Variants in LRIG1 observed in about 807,000 individuals in gnomAD.
The protein encoded by LRIG1 is leucine rich repeats and immunoglobulin like domains 1, also known as leucine-rich repeats and immunoglobulin-like domains protein 1.
In LRIG1, 48 loss-of-function variants were observed where a neutral mutation model predicts 99.2. The observed-to-expected ratio is 0.48, with a 90% confidence interval of 0.38 to 0.62. The LOEUF is 0.62. LRIG1 is among the 20% of genes least tolerant of loss of function. The pLI is 0.00. For synonymous variants in LRIG1, 772 were observed against 596.1 expected, an observed-to-expected ratio of 1.29 and a Z score of -4.30; for missense variants, 1,646 against 1,434.4, an observed-to-expected ratio of 1.15 and a Z score of -2.38.
rs746904038 is a variant in LRIG1, at chr3:66,380,743, AT to A, written c.2888del (p.Asn963MetfsTer42). The A allele has an allele frequency of 6.8e-6, 11 of 1,614,054 alleles. No homozygotes were observed. Among genetic ancestry groups the A allele is most frequent in the African/African-American group, 1.3e-5 (1 of 74,928 alleles). On this transcript the variant is annotated frameshift_variant, in exon 18 of 19. Coordinates refer to ENST00000273261, the MANE Select transcript of LRIG1 (RefSeq NM_015541.3). LOFTEE classifies it high-confidence loss of function. ...GGTCACTCCCACCCGGCTCCGGGCC[AT>A]TTGGCGCACTTGGCTGTGCGCTGTC... ...SRDSAQPSAP[N>X]GPEPGGSDQE...
intron 1 of LRIG1, among the ~76,000 whole-genome samples, chr3:66,485,779 C>G (rs1358301620): frequency 6.6e-6 from 1 of 152,100 alleles, no homozygotes; most frequent in African/African-American, 2.4e-5. Context: ...ACCAAACAGG[C>G]AAACCAAAAA....
chr3:66,422,522 A>G (rs1575678613), intron 3 of LRIG1, among the ~76,000 whole-genome samples: 1 of 152,134 alleles, frequency 6.6e-6, no homozygotes, highest in East Asian at 1.9e-4. Context: ...GTTCCCAACA[A>G]TTCCTCATTT....
chr3:66,434,812 A>G (rs886106956), intron 3 of LRIG1, among the ~76,000 whole-genome samples: 4 of 151,870 alleles, frequency 2.6e-5, no homozygotes, highest in African/African-American at 9.7e-5. Flanking sequence ...GGAGAAACGG[A>G]ATTGCCTATA....
intron 11 of LRIG1, among the ~76,000 whole-genome samples, chr3:66,395,498 T>C (rs896095340): frequency 6.6e-6 from 1 of 152,212 alleles, no homozygotes; most frequent in East Asian, 1.9e-4. Context: ...GGGCATCTTA[T>C]TAAAATAATT....
chr3:66,398,999 T>A lies in LRIG1; in HGVS notation c.1203A>T (p.Ala401=), dbSNP rs1438058170. The A allele has an allele frequency of 6.2e-7, 1 of 1,614,152 alleles. No individual in the cohort carries two copies. The highest frequency in any genetic ancestry group is 8.5e-7 in the Non-Finnish European group (1 of 1,180,032). ...GCTCCAGGCCTTCCAGCCCCGAGAA[T>A]GCTCTCTTAGCCACAGACTTGATCT... ...GNKIKSVAKR[A]FSGLEGLEHL... The change falls in exon 10 of 19, where the codon GCA becomes GCT. Residue 401 remains alanine (A), a synonymous_variant. Coordinates refer to ENST00000273261, the MANE Select transcript of LRIG1 (RefSeq NM_015541.3).
chr3:66,396,525 C>G (rs752960708), intron 11 of LRIG1, among the ~76,000 whole-genome samples: 27 of 152,222 alleles, frequency 1.8e-4, no homozygotes, highest in Non-Finnish European at 3.4e-4. Context: ...CCATTTCTCT[C>G]ATCTGAGGAC....
intron 10 of LRIG1, 120 bp downstream of exon 10, chr3:66,398,850 C>A: frequency 1.3e-6 from 1 of 778,328 alleles, no homozygotes; most frequent in Non-Finnish European, 2.2e-6. Flanking sequence ...AAGGAAGCAG[C>A]TGGTGTTTCC....
At chr3:66,464,368 C>T (rs563445927) in intron 1 of LRIG1, among the ~76,000 whole-genome samples, 1 of 152,240 alleles carries the variant, frequency 6.6e-6, no homozygotes, top group African/African-American at 2.4e-5. Context: ...AAGGCTGACA[C>T]GGAAGTGCCT....
chr3:66,467,157 G>A (rs945268347), intron 1 of LRIG1, among the ~76,000 whole-genome samples: 6 of 152,106 alleles, frequency 3.9e-5, no homozygotes, highest in South Asian at 2.1e-4. Flanking sequence ...CAGTTTGCTC[G>A]CTGAGCACGT....
chr3:66,392,059 A>G (rs1701641258), intron 12 of LRIG1, among the ~76,000 whole-genome samples: 1 of 152,174 alleles, frequency 6.6e-6, no homozygotes, highest in African/African-American at 2.4e-5. Context: ...ATATAATCTA[A>G]TGGTCTTTTG....
chr3:66,467,159 T>C (rs763769665), intron 1 of LRIG1, among the ~76,000 whole-genome samples: 7 of 152,318 alleles, frequency 4.6e-5, no homozygotes, highest in Admixed American at 3.3e-4. Flanking sequence ...GTTTGCTCGC[T>C]GAGCACGTTT....
chr3:66,448,171 T>G (rs1365208183), intron 3 of LRIG1, among the ~76,000 whole-genome samples: 1 of 152,216 alleles, frequency 6.6e-6, no homozygotes, highest in East Asian at 1.9e-4. Context: ...AACTGAAATT[T>G]TGCTCTATGA....
intron 3 of LRIG1, among the ~76,000 whole-genome samples, chr3:66,446,779 A>G (rs1386140207): frequency 6.6e-6 from 1 of 152,004 alleles, no homozygotes; most frequent in Non-Finnish European, 1.5e-5. Flanking sequence ...GCCACCTCAG[A>G]TATTTTATTA....
rs375444744 is a variant in LRIG1 at position 66,380,022 on chromosome 3, T to C, written c.*241A>G. The C allele has an allele frequency of 7.8e-5, 28 of 360,630 alleles. No homozygotes were observed. Among genetic ancestry groups the C allele is most frequent in the South Asian group, 4.7e-4 (6 of 12,698 alleles). 22.3% of individuals were successfully genotyped at this position (360,630 alleles called of 1,614,324 possible). Reference sequence around the variant, plus strand: ...ATTAAAATAGCCTCTGTAAAAGATATATATGAAATCTCTGAAAACTCTTAT... The same window carrying C: ...ATTAAAATAGCCTCTGTAAAAGATACATATGAAATCTCTGAAAACTCTTAT... On this transcript the variant is annotated 3_prime_UTR_variant, in exon 19 of 19. Transcript: ENST00000273261.
chr3:66,454,068 C>T (rs17044619), intron 2 of LRIG1, among the ~76,000 whole-genome samples: 6,398 of 152,242 alleles, frequency 0.042, 434 homozygotes, highest in African/African-American at 0.15. Flanking sequence ...GAGTCAAGGG[C>T]TCAGTCAGAA....
intron 2 of LRIG1, among the ~76,000 whole-genome samples, chr3:66,461,823 G>A (rs527367267): frequency 1.3e-5 from 2 of 152,314 alleles, no homozygotes; most frequent in East Asian, 3.9e-4. Context: ...CCAAGACACT[G>A]CAAGGGACAG....
chr3:66,437,862 C>A (rs1342161869), intron 3 of LRIG1, among the ~76,000 whole-genome samples: 2 of 152,074 alleles, frequency 1.3e-5, no homozygotes, highest in East Asian at 3.9e-4. Context: ...ATCAAGGTAG[C>A]AAAATGAAGC....
chr3:66,417,199 C>T lies in LRIG1; in HGVS notation c.433G>A (p.Asp145Asn), dbSNP rs1366429756. The stretch of plus-strand genomic sequence containing the variant: ...TCCGTGATGTTGTTCAAACTCAGAT[C>T]TAACACTTCTAAGGAAAGGTAGGCC... Reference protein sequence around the residue: ...LKAYLSLEVLDLSLNNITEVR... With the variant: ...LKAYLSLEVLNLSLNNITEVR... Residue 145 changes from aspartate (D) to asparagine (N), a missense_variant, in exon 4 of 19, where the codon GAT becomes AAT. Transcript: ENST00000273261. The T allele has an allele frequency of 6.2e-7, 1 of 1,614,210 alleles. No homozygotes were observed. The highest frequency in any genetic ancestry group is 1.1e-5 in the South Asian group (1 of 91,082).
At chr3:66,406,007 C>T (rs1359692651) in intron 8 of LRIG1, 2 of 989,770 alleles carry the variant, frequency 2.0e-6, no homozygotes, top group Non-Finnish European at 2.4e-6. Context: ...GGCCCCCATC[C>T]TGCCCTCTCC....
Sources: gnomAD v4.1 joint callset for allele counts (sites outside exome capture counted in the v4.1 genomes callset) on GRCh38, gnomAD v4.1.1 for gene constraint, MANE v1.5 for transcripts, NCBI Gene and HGNC (gene_info 2026-07-23, HGNC 2026-07-21) for gene names.